Variants in MDGA2 observed in about 807,000 individuals in gnomAD.
The protein encoded by MDGA2 is MAM domain containing glycosylphosphatidylinositol anchor 2.
MDGA2 carries 40 observed loss-of-function variants against 117.8 expected under a neutral mutation model. That is an observed-to-expected ratio of 0.34 (90% confidence interval 0.26 to 0.44). MDGA2 has a LOEUF of 0.44. MDGA2 is among the 20% of genes least tolerant of loss of function. The pLI, the probability that MDGA2 is intolerant of heterozygous loss-of-function variation, is 1.00. For missense variants in MDGA2, 1,123 were observed against 1,250.6 expected (o/e 0.90, Z 1.54); for synonymous variants, 452 against 439.0 (o/e 1.03, Z -0.37).
chr14:47,072,711 G>A (rs958762722), intron 6 of MDGA2, among the ~76,000 whole-genome samples: 5 of 152,078 alleles, frequency 3.3e-5, no homozygotes, highest in Non-Finnish European at 7.4e-5. Flanking sequence ...ACCCCTCTGA[G>A]TGATTCTGAT....
At chr14:46,983,365 T>A (rs967653498) in intron 8 of MDGA2, among the ~76,000 whole-genome samples, 1 of 152,110 alleles carries the variant, frequency 6.6e-6, no homozygotes, top group Admixed American at 6.6e-5. Flanking sequence ...AATTTTTAAA[T>A]AAAATTTTCT....
chr14:47,061,645 G>C lies in MDGA2; in HGVS notation c.1196-67C>G, dbSNP rs1181949889. On this transcript the variant is annotated intron_variant, in intron 6 of 16. Coordinates refer to ENST00000399232, the MANE Select transcript of MDGA2 (RefSeq NM_001113498.3). Reference sequence around the variant, plus strand: ...TAACTTTAAGGATTCATTAACTGTAGATAATCATCTCTGAGCTGAAATAAA... The same window carrying C: ...TAACTTTAAGGATTCATTAACTGTACATAATCATCTCTGAGCTGAAATAAA... The C allele has an allele frequency of 1.1e-5, 13 of 1,211,106 alleles. No homozygotes were observed. The South Asian group carries it at 1.6e-4, about 15-fold the overall frequency. 75.0% of individuals were successfully genotyped at this position (1,211,106 alleles called of 1,614,324 possible).
In MDGA2 at chr14:47,370,806, A is replaced by G. The variant is rs537076414; in HGVS notation, c.281-69256T>C. ...GGTGTCCAATGACTTTCAAACTTCA[A>G]ATAATACATCCTCTTCTGTATTCCC... On this transcript the variant is annotated intron_variant, in intron 1 of 16. Transcript: ENST00000399232. Among the ~76,000 whole-genome samples the G allele has an allele frequency of 7.3e-5, 11 of 151,654 alleles. 1 individual carries two copies. The highest frequency in any genetic ancestry group is 2.2e-4 in the African/African-American group (9 of 41,466).
chr14:47,609,434 T>C lies in MDGA2; in HGVS notation c.280+65083A>G, dbSNP rs1412081117. ...TGGCTGAGTAGTATTCCATCATATA[T>C]ATATATATATATATATATATATATA... On this transcript the variant is annotated intron_variant, in intron 1 of 16. Transcript: ENST00000399232. 1.4e-4 allele frequency among the ~76,000 whole-genome samples: 10 copies of C among 71,330 alleles called. 2 individuals are homozygous for C. The highest frequency in any genetic ancestry group is 2.3e-4 in the Non-Finnish European group (8 of 34,392). The allele number at this position is 71,330 out of a possible 152,430, so 46.8% of individuals were successfully genotyped here. A position where few individuals can be genotyped will look rare whatever the true frequency, so the allele number is the denominator to read the frequency against.
At chr14:46,965,383 TA>T (rs1285359516) in intron 8 of MDGA2, among the ~76,000 whole-genome samples, 1 of 152,142 alleles carries the variant, frequency 6.6e-6, no homozygotes, top group Non-Finnish European at 1.5e-5. Context: ...CAATGGCCTG[TA>T]AGGAAGAATG....
At chr14:47,208,489 A>T (rs1165576883) in intron 3 of MDGA2, among the ~76,000 whole-genome samples, 2 of 151,282 alleles carry the variant, frequency 1.3e-5, no homozygotes, top group African/African-American at 4.8e-5. Flanking sequence ...CCATTTTATT[A>T]GCTCACTTTA....
At chr14:46,857,368 G>C (rs1409870349) in intron 14 of MDGA2, among the ~76,000 whole-genome samples, 1 of 151,752 alleles carries the variant, frequency 6.6e-6, no homozygotes, top group Non-Finnish European at 1.5e-5. Context: ...CATATTTCTT[G>C]TGAGGTTTAG....
At chr14:47,106,792 C>G (rs1248128730) in intron 5 of MDGA2, among the ~76,000 whole-genome samples, 2 of 144,976 alleles carry the variant, frequency 1.4e-5, no homozygotes, top group East Asian at 1.9e-4. Context: ...ACCCTCTTTT[C>G]AAGGGCCCGT....
intron 8 of MDGA2, chr14:46,997,197 T>C (rs779258836): frequency 6.8e-5 from 11 of 161,006 alleles, no homozygotes; most frequent in South Asian, 1.7e-4. Context: ...CTAGATTTAA[T>C]TGGGTATTGG....
intron 1 of MDGA2, among the ~76,000 whole-genome samples, chr14:47,611,190 C>T (rs1896841161): frequency 6.6e-6 from 1 of 152,082 alleles, no homozygotes; most frequent in African/African-American, 2.4e-5. Context: ...CATCTCTCAC[C>T]TTATATAAAA....
chr14:47,152,990 A>G (rs557552280), intron 3 of MDGA2, among the ~76,000 whole-genome samples: 2 of 152,348 alleles, frequency 1.3e-5, no homozygotes, highest in South Asian at 4.1e-4. Flanking sequence ...AAGCTCTGAG[A>G]TATCAGAGCC....
At chr14:47,588,709 A>T (rs971534570) in intron 1 of MDGA2, among the ~76,000 whole-genome samples, 2 of 151,916 alleles carry the variant, frequency 1.3e-5, no homozygotes, top group Non-Finnish European at 2.9e-5. Context: ...TGTCCTTTGA[A>T]GCACAAATGG....
At chr14:47,379,780 T>A (rs972114552) in intron 1 of MDGA2, among the ~76,000 whole-genome samples, 12 of 152,120 alleles carry the variant, frequency 7.9e-5, no homozygotes, top group African/African-American at 2.2e-4. Flanking sequence ...ATGGGAGACT[T>A]TAACACTCCA....
rs1234848008 is a variant in MDGA2 at position 47,118,036 on chromosome 14, T to TA, written c.925+13677dup. Among the ~76,000 whole-genome samples the TA allele has an allele frequency of 6.6e-5, 10 of 152,306 alleles. 1 individual carries two copies. Among genetic ancestry groups the TA allele is most frequent in the African/African-American group, 2.4e-4 (10 of 41,574 alleles). ...TTTACTGAACTGAATTACAAAGCCA[T>TA]AAAAAAGTGTTTTACCTGAATAAAA... On this transcript the variant is annotated intron_variant, in intron 5 of 16. Coordinates refer to ENST00000399232, the MANE Select transcript of MDGA2 (RefSeq NM_001113498.3).
intron 1 of MDGA2, among the ~76,000 whole-genome samples, chr14:47,627,252 C>T (rs1215599819): frequency 6.6e-6 from 1 of 151,282 alleles, no homozygotes; most frequent in African/African-American, 2.4e-5. Context: ...TCTAGTTAAT[C>T]TGGTGGGGAC....
intron 5 of MDGA2, among the ~76,000 whole-genome samples, chr14:47,098,083 A>T (rs1425271187): frequency 2.0e-5 from 3 of 151,902 alleles, no homozygotes; most frequent in Non-Finnish European, 4.4e-5. Context: ...ACACATTCAG[A>T]AATATTTTGT....
At chr14:47,359,748 C>CAAAAAAAAAAAAAAAAAAAAA (rs71448198) in intron 1 of MDGA2, among the ~76,000 whole-genome samples, 6 of 110,768 alleles carry the variant, frequency 5.4e-5, no homozygotes, top group African/African-American at 1.1e-4. Flanking sequence ...AAGACTGTCT[C>CAAAAAAAAAAAAAAAAAAAAA]AAAAAAAAAA....
rs1479683876 is a variant in MDGA2, at chr14:46,840,323, A to G, written c.*1608T>C. ...TTTAATCCTGGGGTGTTGAAAGAAC[A>G]TATAATAATAATATTCTTCTTAGAC... On this transcript the variant is annotated 3_prime_UTR_variant, in exon 17 of 17. Coordinates refer to ENST00000399232, the MANE Select transcript of MDGA2 (RefSeq NM_001113498.3). The G allele has an allele frequency of 6.6e-6, 1 of 152,418 alleles. No homozygotes were observed. The highest frequency in any genetic ancestry group is 1.5e-5 in the Non-Finnish European group (1 of 67,958). 9.4% of individuals were successfully genotyped at this position (152,418 alleles called of 1,614,324 possible).
chr14:46,938,307 G>A (rs879512501), intron 9 of MDGA2, among the ~76,000 whole-genome samples: 5 of 151,856 alleles, frequency 3.3e-5, no homozygotes, highest in Non-Finnish European at 5.9e-5. Context: ...GGGAGGCCTA[G>A]GTGGGTGGAT....
Sources: gnomAD v4.1 joint callset for allele counts (sites outside exome capture counted in the v4.1 genomes callset) on GRCh38, gnomAD v4.1.1 for gene constraint, MANE v1.5 for transcripts, NCBI Gene and HGNC (gene_info 2026-07-23, HGNC 2026-07-21) for gene names.